SMC5: variants seen among roughly 807,000 people sequenced by gnomAD.
SMC5 encodes structural maintenance of chromosomes protein 5.
Under a neutral mutation model 148.3 loss-of-function variants are expected in SMC5, and 88 were observed. The ratio of observed to expected loss-of-function variants is 0.59; its 90% CI spans 0.50 to 0.71. The LOEUF is 0.71. Among genes scored for constraint, SMC5 ranks in the 30% least tolerant of loss-of-function variants. The pLI, the probability that SMC5 is intolerant of heterozygous loss-of-function variation, is 0.00. For synonymous variants in SMC5, 421 were observed against 432.8 expected, an observed-to-expected ratio of 0.97 and a Z score of 0.34; for missense variants, 1,142 against 1,298.9, an observed-to-expected ratio of 0.88 and a Z score of 1.86.
intron 22 of SMC5, among the ~76,000 whole-genome samples, chr9:70,349,436 A>G (rs2036751623): frequency 1.3e-5 from 2 of 152,238 alleles, no homozygotes; most frequent in Non-Finnish European, 2.9e-5. Context: ...ATCAATAAGA[A>G]TAGTAAACCT....
intron 4 of SMC5, 34 bp from the exon 5 acceptor site, chr9:70,278,457 T>G (rs1316896668): frequency 6.3e-7 from 1 of 1,592,674 alleles, no homozygotes. Context: ...TGTAAATGAA[T>G]GATAGTTGCT....
chr9:70,343,789 C>T (rs2036587421), intron 17 of SMC5, among the ~76,000 whole-genome samples: 1 of 151,944 alleles, frequency 6.6e-6, no homozygotes, highest in South Asian at 2.1e-4. Flanking sequence ...TCACTGCACT[C>T]CAGCCTGGGT....
At chr9:70,343,630 A>G (rs1383485558) in intron 17 of SMC5, among the ~76,000 whole-genome samples, 1 of 152,134 alleles carries the variant, frequency 6.6e-6, no homozygotes, top group Non-Finnish European at 1.5e-5. Flanking sequence ...AGCCTGGCCA[A>G]CATGGTGAAA....
intron 17 of SMC5, among the ~76,000 whole-genome samples, chr9:70,343,351 A>G (rs1179636122): frequency 6.6e-6 from 1 of 152,168 alleles, no homozygotes; most frequent in Non-Finnish European, 1.5e-5. Flanking sequence ...ACTGGCATTT[A>G]ATAGGTTCTC....
chr9:70,294,942 G>T (rs561832933), intron 8 of SMC5, among the ~76,000 whole-genome samples: 1 of 152,276 alleles, frequency 6.6e-6, no homozygotes, highest in African/African-American at 2.4e-5. Context: ...TTTCAGGGAG[G>T]TAGTTAACAT....
In SMC5 at chr9:70,300,125, G is replaced by T; in HGVS notation, c.1389G>T (p.Thr463=). Residue 463 remains threonine (T), a synonymous_variant, in exon 10 of 25, where the codon ACG becomes ACT. Coordinates refer to ENST00000361138, the MANE Select transcript of SMC5 (RefSeq NM_015110.4). ...EDKLRQRFRD[T]YDAVLWLRNN... is the part of the protein sequence containing the mutation. ...AGCTAAGACAGAGATTCCGTGACAC[G>T]TATGATGCTGTTTTATGGCTAAGAA... 6 of 1,603,002 alleles carry T rather than the reference G, an allele frequency of 3.7e-6. No homozygotes were observed. Among genetic ancestry groups the T allele is most frequent in the Non-Finnish European group, 5.1e-6 (6 of 1,176,834 alleles).
At chr9:70,337,725 G>A (rs781037756) in intron 17 of SMC5, among the ~76,000 whole-genome samples, 1 of 152,018 alleles carries the variant, frequency 6.6e-6, no homozygotes, top group African/African-American at 2.4e-5. Context: ...CAAAGTGCTA[G>A]GATTACAGGT....
In SMC5 at chr9:70,295,885, A is replaced by G. The variant is rs376963522; in HGVS notation, c.1054-2081A>G. On this transcript the variant is annotated intron_variant, in intron 8 of 24. Transcript: ENST00000361138. Reference sequence around the variant, plus strand: ...CGTCTTTAGTGTTTAGTGATTCTTAATTATATATTGTCATCTGTGACATGC... The same window carrying G: ...CGTCTTTAGTGTTTAGTGATTCTTAGTTATATATTGTCATCTGTGACATGC... Among the ~76,000 whole-genome samples, 169 of 152,238 alleles carry G rather than the reference A, an allele frequency of 1.1e-3. 4 individuals are homozygous for G. In the South Asian group the frequency reaches 0.034, roughly 30 times the overall value.
chr9:70,324,140 A>G lies in SMC5; in HGVS notation c.2394A>G (p.Thr798=), dbSNP rs764827684. The G allele has an allele frequency of 3.8e-6, 6 of 1,583,858 alleles. No individual in the cohort carries two copies. In the Admixed American group the frequency reaches 6.2e-5, roughly 16 times the overall value. Reference sequence around the variant, plus strand: ...CCGCATCTTCACAACTCCGTCTTACAGAGGTAAAATTTTTGCCTTTACTTT... The same window carrying G: ...CCGCATCTTCACAACTCCGTCTTACGGAGGTAAAATTTTTGCCTTTACTTT... ...YMAASSQLRL[T]EQHFIELDEN... Residue 798 remains threonine, a synonymous_variant, in exon 17 of 25, where the codon ACA becomes ACG. Transcript: ENST00000361138.
chr9:70,281,591 C>T (rs1389627555), intron 6 of SMC5, among the ~76,000 whole-genome samples: 1 of 152,090 alleles, frequency 6.6e-6, no homozygotes, highest in Non-Finnish European at 1.5e-5. Context: ...ATTGGTAGAA[C>T]AAAATAGGTA....
chr9:70,286,182 C>T lies in SMC5; in HGVS notation c.982-18C>T, dbSNP rs1277510530. 6.8e-7 allele frequency: 1 copy of T among 1,478,038 alleles called. No individual in the cohort carries two copies. Among genetic ancestry groups the T allele is most frequent in the Non-Finnish European group, 9.4e-7 (1 of 1,066,106 alleles). 91.6% of individuals were successfully genotyped at this position (1,478,038 alleles called of 1,614,324 possible). A position where few individuals can be genotyped will look rare whatever the true frequency, so the allele number is the denominator to read the frequency against. ...TTTTAACTAGCTGTCCCCCCCTCTC[C>T]CCGGTTTAATTTTACAGGCAACAGA... On this transcript the variant is annotated intron_variant, in intron 7 of 24. Coordinates refer to ENST00000361138, the MANE Select transcript of SMC5 (RefSeq NM_015110.4).
At chr9:70,280,599 G>A (rs148338823) in intron 5 of SMC5, among the ~76,000 whole-genome samples, 160 bp from the exon 6 acceptor site, 2 of 152,298 alleles carry the variant, frequency 1.3e-5, no homozygotes. Flanking sequence ...TGTTGAGACA[G>A]GGTCTCACTG....
intron 17 of SMC5, among the ~76,000 whole-genome samples, chr9:70,334,251 C>T (rs759558789): frequency 3.1e-4 from 47 of 151,428 alleles, no homozygotes; most frequent in African/African-American, 9.7e-4. Flanking sequence ...ACCCTTACCT[C>T]GTATCATATA....
At chr9:70,298,881 C>T (rs79315395) in intron 9 of SMC5, among the ~76,000 whole-genome samples, 2 of 151,888 alleles carry the variant, frequency 1.3e-5, no homozygotes, top group African/African-American at 4.8e-5. Context: ...TCTTATTTCA[C>T]TATTGCTTGA....
At chr9:70,294,329 T>A (rs1213978349) in intron 8 of SMC5, among the ~76,000 whole-genome samples, 2 of 152,194 alleles carry the variant, frequency 1.3e-5, no homozygotes, top group Non-Finnish European at 2.9e-5. Flanking sequence ...TTTGTGGCCA[T>A]AGATTTAAAG....
chr9:70,279,642 C>G (rs546875624), intron 5 of SMC5, among the ~76,000 whole-genome samples: 49 of 151,974 alleles, frequency 3.2e-4, no homozygotes, highest in Non-Finnish European at 5.6e-4. Flanking sequence ...CATGGTGAAA[C>G]CCTGTCTCTA....
intron 17 of SMC5, among the ~76,000 whole-genome samples, 185 bp from the exon 18 acceptor site, chr9:70,343,959 A>G (rs1210950635): frequency 6.6e-6 from 1 of 152,198 alleles, no homozygotes; most frequent in Non-Finnish European, 1.5e-5. Context: ...GTGCTGATGT[A>G]TTTTAAAGTT....
intron 15 of SMC5, among the ~76,000 whole-genome samples, chr9:70,320,890 T>G (rs2035925828): frequency 6.6e-6 from 1 of 152,226 alleles, no homozygotes; most frequent in Admixed American, 6.5e-5. Context: ...TATACTTTGG[T>G]GCACTAGTTT....
chr9:70,317,195 G>A (rs2035825428), intron 13 of SMC5, among the ~76,000 whole-genome samples: 1 of 151,912 alleles, frequency 6.6e-6, no homozygotes, highest in Non-Finnish European at 1.5e-5. Context: ...GACAATAATG[G>A]CTAGATAATG....
Sources: allele counts gnomAD v4.1 joint callset (sites outside exome capture counted in the v4.1 genomes callset), GRCh38; gene constraint gnomAD v4.1.1; transcripts MANE v1.5; gene names NCBI Gene and HGNC (gene_info 2026-07-23, HGNC 2026-07-21).